KCTD16: variants seen among roughly 807,000 people sequenced by gnomAD.
KCTD16 encodes the protein potassium channel tetramerization domain containing 16.
A neutral mutation model predicts 33.2 loss-of-function variants in KCTD16; 13 were observed. That is an observed-to-expected ratio of 0.39 (90% confidence interval 0.25 to 0.62). The LOEUF (loss-of-function observed/expected upper bound fraction) is 0.62, where lower values mean the gene tolerates loss of function less well. Ranked by LOEUF, KCTD16 falls within the 20% of genes least tolerant of loss-of-function variation. The pLI is 0.50. For missense variants in KCTD16, 441 were observed against 525.1 expected (o/e 0.84, Z 1.57); for synonymous variants, 197 against 195.3 (o/e 1.01, Z -0.07).
chr5:144,294,807 T>G (rs1755992590), intron 3 of KCTD16, among the ~76,000 whole-genome samples: 1 of 152,172 alleles, frequency 6.6e-6, no homozygotes. Flanking sequence ...GTCCCTTCAT[T>G]AAACTACCAG....
At chr5:144,340,092 C>T (rs903709823) in intron 3 of KCTD16, among the ~76,000 whole-genome samples, 2 of 152,040 alleles carry the variant, frequency 1.3e-5, no homozygotes, top group African/African-American at 4.8e-5. Flanking sequence ...AAGCAGAGGG[C>T]AGGTAAGATC....
chr5:144,222,889 A>G (rs13155786), intron 3 of KCTD16, among the ~76,000 whole-genome samples: 1 of 152,194 alleles, frequency 6.6e-6, no homozygotes, highest in Non-Finnish European at 1.5e-5. Flanking sequence ...CTTGGAACCA[A>G]CCCAAATGTC....
intron 3 of KCTD16, among the ~76,000 whole-genome samples, chr5:144,244,920 T>C (rs1754507981): frequency 4.6e-5 from 7 of 152,140 alleles, no homozygotes. Flanking sequence ...AAATCATGGG[T>C]GAACTGTAAC....
chr5:144,435,816 C>T (rs951869722), intron 3 of KCTD16, among the ~76,000 whole-genome samples: 24 of 148,090 alleles, frequency 1.6e-4, no homozygotes, highest in South Asian at 1.1e-3. Context: ...TGTGTGTGTG[C>T]GCTTTCCTGT....
Position 144,207,388 on chromosome 5 carries a change from G to A in KCTD16, c.674G>A (p.Arg225Lys). The stretch of plus-strand genomic sequence containing the variant: ...CGAGCCCCAGAAAGATACACCTCCA[G>A]ATTTTATCTCAAATTCAAGCACCTG... ...PDRAPERYTS[R>K]FYLKFKHLER... Residue 225 changes from arginine (R) to lysine (K), a missense_variant, in exon 3 of 4, where the codon AGA becomes AAA. Coordinates refer to ENST00000512467, the MANE Select transcript of KCTD16 (RefSeq NM_020768.4). 6.2e-7 allele frequency: 1 copy of A among 1,614,182 alleles called. No individual in the cohort carries two copies. Among genetic ancestry groups the A allele is most frequent in the Non-Finnish European group, 8.5e-7 (1 of 1,180,048 alleles).
At chr5:144,232,177 C>T (rs1319083838) in intron 3 of KCTD16, among the ~76,000 whole-genome samples, 5 of 152,190 alleles carry the variant, frequency 3.3e-5, no homozygotes, top group African/African-American at 9.7e-5. Context: ...AAGAACTATT[C>T]TCAAGTTGTG....
intron 2 of KCTD16, among the ~76,000 whole-genome samples, chr5:144,199,647 C>T (rs1030357860): frequency 6.7e-6 from 1 of 148,614 alleles, no homozygotes; most frequent in African/African-American, 2.5e-5. Flanking sequence ...GTTGGCTTTA[C>T]TTGACTTCAT....
intron 3 of KCTD16, among the ~76,000 whole-genome samples, chr5:144,218,310 G>A (rs1753627113): frequency 1.3e-5 from 2 of 152,136 alleles, no homozygotes; most frequent in Admixed American, 6.6e-5. Context: ...GGGGTATCAG[G>A]TAATTAAAAC....
At chr5:144,340,035 T>C (rs831417) in intron 3 of KCTD16, among the ~76,000 whole-genome samples, 37,786 of 151,904 alleles carry the variant, frequency 0.25, 4,861 homozygotes, top group Non-Finnish European at 0.28. Context: ...AGGGGGCCTG[T>C]GGGTAAATCT....
At chr5:144,262,604 T>C (rs1262757034) in intron 3 of KCTD16, among the ~76,000 whole-genome samples, 1 of 152,232 alleles carries the variant, frequency 6.6e-6, no homozygotes, top group Admixed American at 6.5e-5. Context: ...TGTGCTCTTC[T>C]CATTTTAATC....
intron 3 of KCTD16, among the ~76,000 whole-genome samples, chr5:144,215,080 T>C (rs967431488): frequency 2.0e-5 from 3 of 152,196 alleles, no homozygotes; most frequent in African/African-American, 7.2e-5. Context: ...TAAATAATAA[T>C]AATAATGTTA....
chr5:144,277,446 T>C (rs1177760621), intron 3 of KCTD16, among the ~76,000 whole-genome samples: 1 of 152,206 alleles, frequency 6.6e-6, no homozygotes, highest in Non-Finnish European at 1.5e-5. Flanking sequence ...GTTCATGATA[T>C]AATTTCAATT....
rs556840131 is a variant in KCTD16, at chr5:144,241,060, A to G, written c.832+33514A>G. ...ATCTTTCATGCTTGGAAGCTACTAC[A>G]ATGTAGAACAGGGCAGAATTCTTCT... On this transcript the variant is annotated intron_variant, in intron 3 of 3. Transcript: ENST00000512467. Among the ~76,000 whole-genome samples, 4 of 152,162 alleles carry G rather than the reference A, an allele frequency of 2.6e-5. No homozygotes were observed. In the South Asian group the frequency reaches 8.3e-4, roughly 32 times the overall value.
intron 3 of KCTD16, among the ~76,000 whole-genome samples, chr5:144,340,140 C>T (rs1023652042): frequency 2.0e-5 from 3 of 151,952 alleles, no homozygotes; most frequent in East Asian, 1.9e-4. Context: ...TGAGGCCAGG[C>T]GTGGTGGCTC....
chr5:144,177,834 C>T (rs1752538568), intron 2 of KCTD16, among the ~76,000 whole-genome samples: 1 of 152,148 alleles, frequency 6.6e-6, no homozygotes, highest in African/African-American at 2.4e-5. Context: ...TTCATACCAG[C>T]CTTATGATGT....
At chr5:144,339,091 C>T (rs1752564700) in intron 3 of KCTD16, among the ~76,000 whole-genome samples, 1 of 152,168 alleles carries the variant, frequency 6.6e-6, no homozygotes, top group South Asian at 2.1e-4. Context: ...ATTAGCATCA[C>T]GTTTGATCAG....
chr5:144,362,509 A>G (rs1333841851), intron 3 of KCTD16, among the ~76,000 whole-genome samples: 2 of 152,126 alleles, frequency 1.3e-5, no homozygotes, highest in African/African-American at 2.4e-5. Context: ...TCTGGGTTTG[A>G]ATCTCAGCTT....
chr5:144,344,247 G>A lies in KCTD16; in HGVS notation c.833-129413G>A, dbSNP rs191374692. On this transcript the variant is annotated intron_variant, in intron 3 of 3. Coordinates refer to ENST00000512467, the MANE Select transcript of KCTD16 (RefSeq NM_020768.4). ...AGACTTAAACGTTATACCTAAAACCGTAACAATCCTAGAAGAAAACCTAGG... is the reference window on the plus strand; with the variant it reads ...AGACTTAAACGTTATACCTAAAACCATAACAATCCTAGAAGAAAACCTAGG... Among the ~76,000 whole-genome samples the A allele has an allele frequency of 7.2e-5, 11 of 152,184 alleles. No homozygotes were observed. The South Asian group carries it at 1.0e-3, about 14-fold the overall frequency.
intron 3 of KCTD16, among the ~76,000 whole-genome samples, chr5:144,424,424 G>A (rs1260375460): frequency 1.3e-5 from 2 of 152,152 alleles, no homozygotes; most frequent in East Asian, 3.9e-4. Context: ...TAGAAAATCA[G>A]TAAGTACACA....
Sources: allele counts gnomAD v4.1 joint callset (sites outside exome capture counted in the v4.1 genomes callset), GRCh38; gene constraint gnomAD v4.1.1; transcripts MANE v1.5; gene names NCBI Gene and HGNC (gene_info 2026-07-23, HGNC 2026-07-21).